GALM: variants seen among roughly 807,000 people sequenced by gnomAD.
The protein encoded by GALM is galactose mutarotase.
Under a neutral mutation model 37.4 loss-of-function variants are expected in GALM, and 43 were observed. The observed-to-expected ratio is 1.15, with a 90% CI of 0.90 to 1.48. The LOEUF is 1.48. Ranked by LOEUF, GALM falls within the 40% of genes most tolerant of loss-of-function variation. The pLI is 0.00. For missense variants in GALM, 456 were observed against 419.1 expected, an observed-to-expected ratio of 1.09 and a Z score of -0.77; for synonymous variants, 199 against 170.6, an observed-to-expected ratio of 1.17 and a Z score of -1.30.
At chr2:38,704,465 T>C (rs1572531109) in intron 4 of GALM, among the ~76,000 whole-genome samples, 1 of 151,448 alleles carries the variant, frequency 6.6e-6, no homozygotes, top group African/African-American at 2.4e-5. Flanking sequence ...GGTCCAGGAG[T>C]TCAAGAACCT....
rs1666532820 is a variant in GALM, at chr2:38,728,543, AGCATGGTGGTGT to A, written c.635-1009_635-998del. 4.0e-5 allele frequency among the ~76,000 whole-genome samples: 6 copies of A among 150,854 alleles called. No homozygotes were observed. In the South Asian group the frequency reaches 1.3e-3, roughly 32 times the overall value. On this transcript the variant is annotated intron_variant, in intron 4 of 6. Coordinates refer to ENST00000272252, the MANE Select transcript of GALM (RefSeq NM_138801.3). ...ACCCCGTCTCTACTAAAAATACAAAAGCATGGTGGTGTGCACCTGTAATCCCAGCTACTCATG... is the reference window on the plus strand; with the variant it reads ...ACCCCGTCTCTACTAAAAATACAAAAGCACCTGTAATCCCAGCTACTCATG...
chr2:38,702,932 T>TTATATATATATATATATATATATATA (rs202010853), intron 4 of GALM, among the ~76,000 whole-genome samples: 88 of 134,842 alleles, frequency 6.5e-4, no homozygotes, highest in African/African-American at 2.0e-3. Flanking sequence ...TATATACTTT[T>TTATATATATATATATATATATATATA]TATATATATA....
chr2:38,701,198 A>G (rs542642264), intron 4 of GALM, among the ~76,000 whole-genome samples: 33 of 152,338 alleles, frequency 2.2e-4, no homozygotes, highest in African/African-American at 7.7e-4. Context: ...TCAGGATTGT[A>G]AATATTACAT....
At position 38,676,005 on chromosome 2, in the gene GALM, A is replaced by G. The variant is rs759911686; in HGVS notation, c.284A>G (p.Tyr95Cys). Residue 95 changes from tyrosine (Y) to cysteine (C), a missense_variant, in exon 2 of 7, where the codon TAT (tyrosine) becomes TGT (cysteine). Coordinates refer to ENST00000272252, the MANE Select transcript of GALM (RefSeq NM_138801.3). ...ACCTTCAAGGTGGATGGGAAGGAGT[A>G]TCACCTGGCCATTAACAAGGAACCC... is the stretch of plus-strand genomic sequence containing the variant. ...KGTFKVDGKE[Y>C]HLAINKEPNS... 2 of 1,614,104 alleles carry G rather than the reference A, an allele frequency of 1.2e-6. No homozygotes were observed. The highest frequency in any genetic ancestry group is 1.7e-6 in the Non-Finnish European group (2 of 1,179,988).
intron 1 of GALM, among the ~76,000 whole-genome samples, chr2:38,674,543 T>C (rs1028743943): frequency 2.6e-5 from 4 of 152,322 alleles, no homozygotes; most frequent in African/African-American, 4.8e-5. Flanking sequence ...AACAAACTTA[T>C]ACTAAGCAAT....
intron 3 of GALM, among the ~76,000 whole-genome samples, chr2:38,689,490 G>A (rs1178515495): frequency 6.6e-6 from 1 of 152,184 alleles, no homozygotes; most frequent in Non-Finnish European, 1.5e-5. Context: ...CCTGGCAAGT[G>A]AGAAGAATAG....
At chr2:38,686,123 C>A (rs1665513177) in intron 3 of GALM, among the ~76,000 whole-genome samples, 1 of 151,470 alleles carries the variant, frequency 6.6e-6, no homozygotes, top group Non-Finnish European at 1.5e-5. Flanking sequence ...TCCTAGGCTT[C>A]TTCCTAAATC....
At chr2:38,666,410 C>G in intron 1 of GALM, 59 bp downstream of exon 1, 1 of 1,286,942 alleles carries the variant, frequency 7.8e-7, no homozygotes, top group Non-Finnish European at 1.1e-6. Context: ...ACATACCTCC[C>G]GGATCTAGCG....
chr2:38,670,703 T>C (rs1456958223), intron 1 of GALM, among the ~76,000 whole-genome samples: 1 of 152,204 alleles, frequency 6.6e-6, no homozygotes, highest in Non-Finnish European at 1.5e-5. Flanking sequence ...ATCCCCTTTC[T>C]TTCCTTTGCC....
intron 4 of GALM, among the ~76,000 whole-genome samples, chr2:38,700,914 T>A (rs1665904208): frequency 6.6e-6 from 1 of 152,232 alleles, no homozygotes; most frequent in African/African-American, 2.4e-5. Context: ...TTTTCTACTT[T>A]TTTGTGTTTT....
intron 2 of GALM, among the ~76,000 whole-genome samples, chr2:38,680,348 C>A (rs1193503775): frequency 6.6e-6 from 1 of 152,092 alleles, no homozygotes; most frequent in Non-Finnish European, 1.5e-5. Flanking sequence ...AAAATAAACT[C>A]TTCTTCATAC....
At chr2:38,669,828 G>T (rs571977484) in intron 1 of GALM, among the ~76,000 whole-genome samples, 2 of 151,570 alleles carry the variant, frequency 1.3e-5, no homozygotes, top group Non-Finnish European at 2.9e-5. Flanking sequence ...AGCCGAGATT[G>T]TGCTACTGCA....
In GALM at chr2:38,720,198, T is replaced by A. The variant is rs1489428209; in HGVS notation, c.635-9358T>A. ...ACCGCACTCCGCCTAGGTGACAGAG[T>A]GAGACCTTGTCTCTAAATAAATAAA... On this transcript the variant is annotated intron_variant, in intron 4 of 6. Transcript: ENST00000272252. Among the ~76,000 whole-genome samples, 3 of 151,964 alleles carry A rather than the reference T, an allele frequency of 2.0e-5. No individual in the cohort carries two copies. The East Asian group carries it at 5.8e-4, about 29-fold the overall frequency.
intron 2 of GALM, among the ~76,000 whole-genome samples, chr2:38,679,815 C>A (rs910761746): frequency 2.6e-5 from 4 of 152,176 alleles, no homozygotes; most frequent in Non-Finnish European, 4.4e-5. Flanking sequence ...ATGTTACCTA[C>A]TTTAAGTCTG....
chr2:38,675,589 G>GTGT (rs1665240236), intron 1 of GALM, among the ~76,000 whole-genome samples: 1 of 128,430 alleles, frequency 7.8e-6, no homozygotes, highest in Non-Finnish European at 1.6e-5. Context: ...GTGTGTGTGT[G>GTGT]ATGGAGTCTC....
intron 4 of GALM, among the ~76,000 whole-genome samples, chr2:38,729,082 A>G (rs1666543686): frequency 6.6e-6 from 1 of 152,186 alleles, no homozygotes; most frequent in South Asian, 2.1e-4. Context: ...TTAAATCATT[A>G]GATACTCTAG....
chr2:38,677,762 G>A (rs975688230), intron 2 of GALM, among the ~76,000 whole-genome samples: 1 of 152,182 alleles, frequency 6.6e-6, no homozygotes, highest in Non-Finnish European at 1.5e-5. Context: ...AGGGGGCACA[G>A]TAGGCCAAGG....
chr2:38,698,942 T>C (rs1259429420), intron 4 of GALM, among the ~76,000 whole-genome samples: 1 of 151,800 alleles, frequency 6.6e-6, no homozygotes, highest in African/African-American at 2.4e-5. Flanking sequence ...AGACAGAGTT[T>C]TGCTCTTGTT....
At chr2:38,698,036 C>T (rs553557759) in intron 4 of GALM, among the ~76,000 whole-genome samples, 1 of 151,958 alleles carries the variant, frequency 6.6e-6, no homozygotes, top group East Asian at 1.9e-4. Context: ...CTCCGCCTTC[C>T]GGGTTCAAAT....
Sources: allele counts gnomAD v4.1 joint callset (sites outside exome capture counted in the v4.1 genomes callset), GRCh38; gene constraint gnomAD v4.1.1; transcripts MANE v1.5; gene names NCBI Gene and HGNC (gene_info 2026-07-23, HGNC 2026-07-21).